Variants in ODR4 observed in about 807,000 individuals in gnomAD.
The protein encoded by ODR4 is odr-4 GPCR localization factor homolog, also known as protein odr-4 homolog.
Under a neutral mutation model 60.2 loss-of-function variants are expected in ODR4, and 47 were observed. The observed-to-expected ratio is 0.78, with a 90% CI of 0.62 to 1.00. The LOEUF (loss-of-function observed/expected upper bound fraction) is 1.00, where lower values mean the gene tolerates loss of function less well. Ranked by LOEUF, ODR4 falls within the 50% of genes least tolerant of loss-of-function variation. ODR4 has a pLI of 0.00. For synonymous variants in ODR4, 178 were observed against 175.5 expected, an observed-to-expected ratio of 1.01 and a Z score of -0.11; for missense variants, 488 against 530.8, an observed-to-expected ratio of 0.92 and a Z score of 0.79.
chr1:186,390,944 A>T, intron 7 of ODR4, 93 bp downstream of exon 7: 1 of 1,252,250 alleles, frequency 8.0e-7, no homozygotes, highest in Non-Finnish European at 1.1e-6. Flanking sequence ...ACAATCCTCA[A>T]AAATTACATT....
At chr1:186,408,390 G>C (rs867216174) in intron 12 of ODR4, among the ~76,000 whole-genome samples, 1 of 151,836 alleles carries the variant, frequency 6.6e-6, no homozygotes, top group African/African-American at 2.4e-5. Flanking sequence ...ACATTTTCAA[G>C]TGTAAATGGA....
At chr1:186,431,682 T>A in the ODR4 span, among the ~76,000 whole-genome samples, 1 of 152,202 alleles carries the variant, frequency 6.6e-6, no homozygotes, top group South Asian at 2.1e-4. Context: ...CTAATGATAT[T>A]TGAATTCTGA....
chr1:186,406,359 T>A (rs1272087004), intron 12 of ODR4, 91 bp downstream of exon 12: 1 of 1,007,628 alleles, frequency 9.9e-7, no homozygotes, highest in Non-Finnish European at 1.4e-6. Context: ...GTCTTTAGAT[T>A]TTTTTTAAAG....
chr1:186,408,472 C>G (rs1246641388), intron 12 of ODR4, among the ~76,000 whole-genome samples: 2 of 150,694 alleles, frequency 1.3e-5, no homozygotes, highest in African/African-American at 2.4e-5. Flanking sequence ...TGGCTGGAAT[C>G]TTGGATCTCA....
the ODR4 span, among the ~76,000 whole-genome samples, chr1:186,429,033 AG>A: frequency 6.6e-6 from 1 of 152,184 alleles, no homozygotes; most frequent in African/African-American, 2.4e-5. Context: ...TGGGAGTTCA[AG>A]ACCACTCTAG....
At chr1:186,430,715 C>T in the ODR4 span, among the ~76,000 whole-genome samples, 8 of 151,790 alleles carry the variant, frequency 5.3e-5, no homozygotes, top group African/African-American at 1.9e-4. Flanking sequence ...CTAGATCTGC[C>T]AAAAGAAAAA....
intron 11 of ODR4, chr1:186,401,295 T>A: frequency 9.4e-7 from 1 of 1,064,466 alleles, no homozygotes; most frequent in Non-Finnish European, 1.3e-6. Context: ...CCTAAATTTT[T>A]AAAAGGTGAA....
intron 12 of ODR4, among the ~76,000 whole-genome samples, chr1:186,411,045 T>G (rs1661364695): frequency 6.6e-6 from 1 of 152,018 alleles, no homozygotes; most frequent in Non-Finnish European, 1.5e-5. Flanking sequence ...GTAAATTATT[T>G]CCCTTTTTTT....
Position 186,379,812 on chromosome 1 carries a change from G to C in ODR4, c.27G>C (p.Glu9Asp), listed in dbSNP as rs776522312. Residue 9 changes from glutamate (E) to aspartate (D), a missense_variant, in exon 2 of 14, where the codon GAG becomes GAC. Glu to Asp is a conservative substitution (Grantham distance 45, BLOSUM62 2). Coordinates refer to ENST00000287859, the MANE Select transcript of ODR4 (RefSeq NM_017847.6). ...TGGGAAGAACCTACATTGTAGAAGA[G>C]ACTGTTGGCCAGTATCTTTCAAACA... MGRTYIVE[E>D]TVGQYLSNIN... is the part of the protein sequence containing the mutation. The C allele has an allele frequency of 6.2e-7, 1 of 1,605,352 alleles. No homozygotes were observed. Among genetic ancestry groups the C allele is most frequent in the Non-Finnish European group, 8.5e-7 (1 of 1,176,922 alleles).
chr1:186,431,522 A>G, the ODR4 span, among the ~76,000 whole-genome samples: 4 of 152,226 alleles, frequency 2.6e-5, no homozygotes, highest in African/African-American at 4.8e-5. Flanking sequence ...ACAAAACTTA[A>G]GCAGAAAGGT....
intron 1 of ODR4, among the ~76,000 whole-genome samples, chr1:186,378,720 G>A (rs570654999): frequency 6.6e-6 from 1 of 152,310 alleles, no homozygotes; most frequent in African/African-American, 2.4e-5. Flanking sequence ...ACTTTGGCAA[G>A]TTATTTAATC....
intron 6 of ODR4, 107 bp from the exon 7 acceptor site, chr1:186,390,604 A>G (rs1393403686): frequency 3.6e-6 from 4 of 1,112,536 alleles, no homozygotes; most frequent in Non-Finnish European, 4.0e-6. Flanking sequence ...TATGTTAGAT[A>G]TGAGTTTGTA....
intron 4 of ODR4, among the ~76,000 whole-genome samples, chr1:186,386,502 T>C (rs762952157): frequency 9.2e-5 from 14 of 152,144 alleles, no homozygotes; most frequent in African/African-American, 1.4e-4. Context: ...TTGTAAAATA[T>C]TGAAAAATTC....
chr1:186,415,739 A>C (rs1466641200), intron 12 of ODR4, among the ~76,000 whole-genome samples: 1 of 152,224 alleles, frequency 6.6e-6, no homozygotes, highest in Non-Finnish European at 1.5e-5. Flanking sequence ...GTGGTCTCTG[A>C]GGATGCTATC....
chr1:186,410,700 G>A lies in ODR4; in HGVS notation c.1186+4432G>A, dbSNP rs191992826. On this transcript the variant is annotated intron_variant, in intron 12 of 13. Coordinates refer to ENST00000287859, the MANE Select transcript of ODR4 (RefSeq NM_017847.6). ...GCAGTAATCTATAATATACAGTAAC[G>A]AAGTTTTGGCATTCCTGTATTAAAA... Among the ~76,000 whole-genome samples, 8 of 152,230 alleles carry A rather than the reference G, an allele frequency of 5.3e-5. No homozygotes were observed. In the East Asian group the frequency reaches 1.2e-3, roughly 22 times the overall value.
At chr1:186,383,573 T>TTTTAAGAAAACAA (rs1323827999) in intron 3 of ODR4, among the ~76,000 whole-genome samples, 2 of 151,964 alleles carry the variant, frequency 1.3e-5, no homozygotes, top group African/African-American at 4.8e-5. Flanking sequence ...TGTTTGTTTG[T>TTTTAAGAAAACAA]TTTAAGAAAA....
intron 9 of ODR4, among the ~76,000 whole-genome samples, chr1:186,396,971 T>A (rs1326649523): frequency 6.6e-6 from 1 of 152,186 alleles, no homozygotes; most frequent in African/African-American, 2.4e-5. Context: ...ACTCTACATG[T>A]GTCATATGGA....
At chr1:186,428,589 A>G in the ODR4 span, among the ~76,000 whole-genome samples, 2 of 152,094 alleles carry the variant, frequency 1.3e-5, no homozygotes, top group African/African-American at 4.8e-5. Flanking sequence ...TTTCCTTTGC[A>G]CTCACAACTT....
chr1:186,383,252 G>C (rs1342845073), intron 3 of ODR4, 96 bp downstream of exon 3: 2 of 1,307,434 alleles, frequency 1.5e-6, no homozygotes. Context: ...AGAGACATAG[G>C]GAGAAAGTAG....
Sources: gnomAD v4.1 joint callset for allele counts (sites outside exome capture counted in the v4.1 genomes callset) on GRCh38, gnomAD v4.1.1 for gene constraint, MANE v1.5 for transcripts, NCBI Gene and HGNC (gene_info 2026-07-23, HGNC 2026-07-21) for gene names.